DPY19L1: variants seen among roughly 807,000 people sequenced by gnomAD.
The protein encoded by DPY19L1 is dpy-19 like C-mannosyltransferase 1.
Under a neutral mutation model 96.9 loss-of-function variants are expected in DPY19L1, and 35 were observed. The ratio of observed to expected loss-of-function variants is 0.36; its 90% CI spans 0.28 to 0.48. The LOEUF (loss-of-function observed/expected upper bound fraction) is 0.48. DPY19L1 is among the 20% of genes least tolerant of loss of function. The pLI, the probability that DPY19L1 is intolerant of heterozygous loss-of-function variation, is 0.99. For synonymous variants in DPY19L1, 205 were observed against 252.6 expected (o/e 0.81, Z 1.79); for missense variants, 521 against 777.9 (o/e 0.67, Z 3.93).
At chr7:34,989,503 C>T (rs1562818251) in intron 7 of DPY19L1, among the ~76,000 whole-genome samples, 1 of 151,950 alleles carries the variant, frequency 6.6e-6, no homozygotes, top group Non-Finnish European at 1.5e-5. Flanking sequence ...GTAGTCCCAG[C>T]TACTCTGGAA....
intron 13 of DPY19L1, among the ~76,000 whole-genome samples, chr7:34,952,068 C>CAA (rs67358186): frequency 5.3e-5 from 5 of 93,462 alleles, no homozygotes; most frequent in African/African-American, 1.9e-4. Flanking sequence ...ACTAAACTTT[C>CAA]AAAAAAAAAA....
At chr7:34,995,820 G>A (rs1433115560) in intron 6 of DPY19L1, among the ~76,000 whole-genome samples, 2 of 151,002 alleles carry the variant, frequency 1.3e-5, no homozygotes, top group Admixed American at 1.3e-4. Context: ...TCTTAAATTG[G>A]AGACTGAAGG....
At chr7:35,035,723 G>A (rs1786377884) in intron 1 of DPY19L1, among the ~76,000 whole-genome samples, 1 of 152,056 alleles carries the variant, frequency 6.6e-6, no homozygotes, top group African/African-American at 2.4e-5. Flanking sequence ...GAGTAAATTC[G>A]CCATGTGATA....
At chr7:35,007,766 G>T (rs1230466927) in intron 6 of DPY19L1, among the ~76,000 whole-genome samples, 8 of 151,992 alleles carry the variant, frequency 5.3e-5, no homozygotes, top group Admixed American at 5.2e-4. Flanking sequence ...TCTAATAAGT[G>T]ATGCCCTGCA....
At chr7:34,983,551 AGAGG>A (rs145235700) in intron 7 of DPY19L1, among the ~76,000 whole-genome samples, 3 of 133,026 alleles carry the variant, frequency 2.3e-5, no homozygotes, top group Admixed American at 8.1e-5. Flanking sequence ...AGGGAAGAAG[AGAGG>A]GAGGGAGGGA....
intron 7 of DPY19L1, among the ~76,000 whole-genome samples, chr7:34,979,589 G>C (rs1784897780): frequency 6.6e-6 from 1 of 152,198 alleles, no homozygotes; most frequent in East Asian, 1.9e-4. Flanking sequence ...CATTAGTGTA[G>C]TAACTTTGAA....
At chr7:35,037,859 G>A (rs1786486551), upstream of DPY19L1, 2 of 1,235,272 alleles carry the variant, frequency 1.6e-6, no homozygotes, top group Non-Finnish European at 2.0e-6. Context: ...GCGAGGACGC[G>A]GGGGCGGACG....
chr7:34,977,896 C>A (rs1450716626), intron 7 of DPY19L1, among the ~76,000 whole-genome samples: 1 of 151,794 alleles, frequency 6.6e-6, no homozygotes. Context: ...CAATAAAAAT[C>A]TTATGTTGCA....
At chr7:34,972,374 C>T (rs1431221217) in intron 8 of DPY19L1, among the ~76,000 whole-genome samples, 1 of 152,166 alleles carries the variant, frequency 6.6e-6, no homozygotes, top group Non-Finnish European at 1.5e-5. Flanking sequence ...AGCGCTCAGT[C>T]CCCGGAGCAG....
At chr7:35,018,011 C>A in intron 2 of DPY19L1, 42 bp from the exon 3 acceptor site, 2 of 1,385,086 alleles carry the variant, frequency 1.4e-6, no homozygotes, top group South Asian at 1.3e-5. Context: ...AACTTACACT[C>A]TAAGTATTAT....
intron 3 of DPY19L1, among the ~76,000 whole-genome samples, chr7:35,017,501 CAA>C (rs1161959357): frequency 0.06 from 825 of 13,678 alleles, 109 homozygotes; most frequent in African/African-American, 0.23. Context: ...GACTCCGTCT[CAA>C]AAAAAAAAAA....
intron 4 of DPY19L1, among the ~76,000 whole-genome samples, chr7:35,012,744 G>T (rs56040737): frequency 1.2e-5 from 1 of 83,112 alleles, no homozygotes; most frequent in Admixed American, 1.2e-4. Context: ...AAAATACATA[G>T]ACATCATACA....
At chr7:34,995,322 TA>T (rs34599171) in intron 6 of DPY19L1, among the ~76,000 whole-genome samples, 30,223 of 147,610 alleles carry the variant, frequency 0.2, 3,367 homozygotes, top group Admixed American at 0.36. Context: ...CCCTAGTGGT[TA>T]AAAAAAAAAA....
chr7:35,012,748 TC>T (rs2128678465), intron 4 of DPY19L1, among the ~76,000 whole-genome samples: 1 of 105,510 alleles, frequency 9.5e-6, no homozygotes, highest in African/African-American at 3.1e-5. Context: ...TACATAGACA[TC>T]ATACACAAAG....
chr7:34,930,627 T>C lies in DPY19L1; in HGVS notation c.*946A>G, dbSNP rs1263069364. 6.6e-6 allele frequency: 1 copy of C among 152,192 alleles called. No homozygotes were observed. The highest frequency in any genetic ancestry group is 1.9e-4 in the East Asian group (1 of 5,198). 9.4% of individuals were successfully genotyped at this position (152,192 alleles called of 1,614,324 possible). On this transcript the variant is annotated 3_prime_UTR_variant, in exon 22 of 22. Transcript: ENST00000638088. Reference sequence around the variant, plus strand: ...CAGTCTACTGTTCCACTATAAATGATGTCTAATCAAATATACATTAGTTTC... The same window carrying C: ...CAGTCTACTGTTCCACTATAAATGACGTCTAATCAAATATACATTAGTTTC...
At chr7:35,033,304 G>C (rs1786305826) in intron 1 of DPY19L1, among the ~76,000 whole-genome samples, 1 of 151,802 alleles carries the variant, frequency 6.6e-6, no homozygotes, top group African/African-American at 2.4e-5. Flanking sequence ...TTCTATCTCA[G>C]CTTGTTTCTT....
chr7:35,028,076 G>C (rs1457404780), intron 1 of DPY19L1, among the ~76,000 whole-genome samples: 2 of 152,138 alleles, frequency 1.3e-5, no homozygotes, highest in African/African-American at 2.4e-5. Flanking sequence ...GCAGTTTAGA[G>C]AGCCCTTTCA....
intron 21 of DPY19L1, among the ~76,000 whole-genome samples, chr7:34,936,363 C>G (rs958342923): frequency 6.6e-6 from 1 of 152,112 alleles, no homozygotes; most frequent in African/African-American, 2.4e-5. Flanking sequence ...AAACTCTATG[C>G]AGGGGTCTAG....
chr7:35,023,278 C>T (rs1786038706), intron 1 of DPY19L1, among the ~76,000 whole-genome samples: 1 of 152,148 alleles, frequency 6.6e-6, no homozygotes, highest in Non-Finnish European at 1.5e-5. Flanking sequence ...CTGGGAAGTA[C>T]GAATGCTGGG....
Sources: gnomAD v4.1 joint callset for allele counts (sites outside exome capture counted in the v4.1 genomes callset) on GRCh38, gnomAD v4.1.1 for gene constraint, MANE v1.5 for transcripts, NCBI Gene and HGNC (gene_info 2026-07-23, HGNC 2026-07-21) for gene names.